Variants in ANK1 observed in about 807,000 individuals in gnomAD.
The protein encoded by ANK1 is ankyrin-1.
ANK1 carries 51 observed loss-of-function variants against 210.4 expected under a neutral mutation model. The ratio of observed to expected loss-of-function variants is 0.24; its 90% confidence interval spans 0.19 to 0.31. The LOEUF (loss-of-function observed/expected upper bound fraction) is 0.31. Ranked by LOEUF, ANK1 falls within the 10% of genes least tolerant of loss-of-function variation. The probability of loss-of-function intolerance (pLI) is 1.00; values close to 1 mark genes in which losing one functional copy is unlikely to be tolerated. For missense variants in ANK1, 2,051 were observed against 2,504.4 expected (o/e 0.82, Z 3.86); for synonymous variants, 967 against 1,025.9 (o/e 0.94, Z 1.10).
intron 2 of ANK1, among the ~76,000 whole-genome samples, chr8:41,748,863 G>A (rs567964164): frequency 5.3e-5 from 8 of 152,198 alleles, no homozygotes; most frequent in East Asian, 3.9e-4. Context: ...GTGAAATCCC[G>A]TCTCTGCTAA....
At chr8:41,859,789 C>G (rs1812931018) in intron 1 of ANK1, among the ~76,000 whole-genome samples, 1 of 152,244 alleles carries the variant, frequency 6.6e-6, no homozygotes, top group Admixed American at 6.5e-5. Flanking sequence ...CTGTCTTCCC[C>G]CTTCTGAGGG....
At chr8:41,802,287 A>G (rs1850002847), upstream of ANK1, among the ~76,000 whole-genome samples, 1 of 152,078 alleles carries the variant, frequency 6.6e-6, no homozygotes. Flanking sequence ...ACCACGCCCG[A>G]CCTATAGTTT....
chr8:41,667,225 C>G (rs1810853544), intron 39 of ANK1, among the ~76,000 whole-genome samples: 1 of 152,152 alleles, frequency 6.6e-6, no homozygotes, highest in Admixed American at 6.5e-5. Flanking sequence ...GAATTCCTAG[C>G]AGTTCTATGG....
rs552197742 is a variant in ANK1 at position 41,782,400 on chromosome 8, T to G, written c.27+15112A>C. On this transcript the variant is annotated intron_variant, in intron 1 of 42. Coordinates refer to ENST00000289734, the MANE Select transcript of ANK1 (RefSeq NM_000037.4). ...AGCTGCTCTCCTGCAGGTCCCTTAA[T>G]GTCACCCTCTGCGTCTCCTTTTACC... 3.7e-4 allele frequency among the ~76,000 whole-genome samples: 56 copies of G among 152,208 alleles called. 1 individual carries two copies. Among genetic ancestry groups the G allele is most frequent in the Non-Finnish European group, 7.5e-4 (51 of 68,040 alleles).
At chr8:41,828,032 CAACTCTCCTATTAA>C (rs1271632427) in intron 1 of ANK1, 1 of 151,660 alleles carries the variant, frequency 6.6e-6, no homozygotes, top group Non-Finnish European at 1.5e-5. Context: ...CCACTGTTTG[CAACTCTCCTATTAA>C]AACAGACTAA....
chr8:41,796,087 A>G (rs1848686502), intron 1 of ANK1, among the ~76,000 whole-genome samples: 1 of 152,216 alleles, frequency 6.6e-6, no homozygotes, highest in African/African-American at 2.4e-5. Context: ...TGACCCATAA[A>G]GTCAAGGGTG....
At chr8:41,858,190 C>T (rs1812570072) in intron 1 of ANK1, among the ~76,000 whole-genome samples, 1 of 152,042 alleles carries the variant, frequency 6.6e-6, no homozygotes, top group African/African-American at 2.4e-5. Flanking sequence ...TATGACTGTG[C>T]CACTGCACTC....
chr8:41,784,057 CA>C (rs34846355), intron 1 of ANK1, among the ~76,000 whole-genome samples: 243 of 140,308 alleles, frequency 1.7e-3, no homozygotes, highest in South Asian at 4.6e-3. Flanking sequence ...GACCCTATCT[CA>C]AAAAAAAAAA....
In ANK1 at chr8:41,803,368, A is replaced by T. The variant is rs543296837; in HGVS notation, c.127-45231T>A. 3.9e-5 allele frequency: 6 copies of T among 152,346 alleles called. No individual in the cohort carries two copies. The East Asian group carries it at 1.2e-3, about 29-fold the overall frequency. 9.4% of individuals were successfully genotyped at this position (152,346 alleles called of 1,614,324 possible). On this transcript the variant is annotated intron_variant, in intron 1 of 42. Coordinates refer to the ANK1 transcript ENST00000265709. ...GTCCCTGGCTGGTCTGAGTGCAGTGATGTTTACAACTAATTGGTCACATTC... is the reference window on the plus strand; with the variant it reads ...GTCCCTGGCTGGTCTGAGTGCAGTGTTGTTTACAACTAATTGGTCACATTC...
intron 1 of ANK1, among the ~76,000 whole-genome samples, chr8:41,781,875 T>C (rs1487348265): frequency 1.3e-5 from 2 of 151,842 alleles, no homozygotes; most frequent in Non-Finnish European, 2.9e-5. Flanking sequence ...TAGGAGAGGG[T>C]GGAGAGCACC....
At chr8:41,767,760 C>T (rs1329349881) in intron 1 of ANK1, among the ~76,000 whole-genome samples, 1 of 152,140 alleles carries the variant, frequency 6.6e-6, no homozygotes, top group African/African-American at 2.4e-5. Context: ...GCACACACGT[C>T]CAGTGGAGGT....
At position 41,874,774 on chromosome 8, in the gene ANK1, G is replaced by C. The variant is rs7822540; in HGVS notation, c.126+21581C>G. On this transcript the variant is annotated intron_variant, in intron 1 of 42. Coordinates refer to the ANK1 transcript ENST00000265709. Reference sequence around the variant, plus strand: ...GTGCTTTCTGGGTTCTGGCCTCCTTGTCTCCCACTGCTTCTCCTTCATGGT... The same window carrying C: ...GTGCTTTCTGGGTTCTGGCCTCCTTCTCTCCCACTGCTTCTCCTTCATGGT... Among the ~76,000 whole-genome samples the C allele has an allele frequency of 6.4e-3, 972 of 152,332 alleles. 14 individuals carry two copies. Among genetic ancestry groups the C allele is most frequent in the African/African-American group, 0.022 (917 of 41,572 alleles).
chr8:41,766,500 G>A (rs1841816667), intron 1 of ANK1, among the ~76,000 whole-genome samples: 1 of 152,224 alleles, frequency 6.6e-6, no homozygotes, highest in South Asian at 2.1e-4. Flanking sequence ...AGGTGTCACT[G>A]AGGAAACAAG....
intron 37 of ANK1, 52 bp downstream of exon 37, chr8:41,684,492 C>T: frequency 6.2e-7 from 1 of 1,608,902 alleles, no homozygotes; most frequent in Non-Finnish European, 8.5e-7. Flanking sequence ...GGTGCTGATG[C>T]CTGTAGGGCA....
chr8:41,846,864 C>A (rs985775716), intron 1 of ANK1, among the ~76,000 whole-genome samples: 2 of 152,174 alleles, frequency 1.3e-5, no homozygotes, highest in Non-Finnish European at 2.9e-5. Context: ...AGCACACAGT[C>A]CACCCTACCT....
At chr8:41,766,445 T>C (rs572277648) in intron 1 of ANK1, among the ~76,000 whole-genome samples, 3 of 152,344 alleles carry the variant, frequency 2.0e-5, no homozygotes, top group African/African-American at 7.2e-5. Flanking sequence ...GTCTCCAGGC[T>C]CCCCAGTCTG....
At chr8:41,886,587 A>G (rs184445100) in intron 1 of ANK1, among the ~76,000 whole-genome samples, 1 of 152,228 alleles carries the variant, frequency 6.6e-6, no homozygotes, top group Non-Finnish European at 1.5e-5. Context: ...ACTGGAGGCA[A>G]TGTTTCAACT....
intron 1 of ANK1, among the ~76,000 whole-genome samples, chr8:41,819,098 T>C (rs1203089984): frequency 6.6e-6 from 1 of 152,184 alleles, no homozygotes; most frequent in Non-Finnish European, 1.5e-5. Flanking sequence ...AAATAAGCCT[T>C]TGCATTCAAC....
chr8:41,727,208 G>A (rs1830934021), intron 5 of ANK1, 42 bp downstream of exon 5: 2 of 1,511,650 alleles, frequency 1.3e-6, no homozygotes, highest in African/African-American at 1.4e-5. Context: ...TTGTACACCT[G>A]GGAGACTTCT....
Sources: allele counts gnomAD v4.1 joint callset (sites outside exome capture counted in the v4.1 genomes callset), GRCh38; gene constraint gnomAD v4.1.1; transcripts MANE v1.5; gene names NCBI Gene and HGNC (gene_info 2026-07-23, HGNC 2026-07-21).